The following NHSL1 variants were observed in gnomAD, a reference collection of about 807,000 sequenced individuals.
The protein encoded by NHSL1 is NHS like 1, also known as NHS-like protein 1.
In NHSL1, 48 loss-of-function variants were observed where a neutral mutation model predicts 95.0. That is an observed-to-expected ratio of 0.51 (90% CI 0.40 to 0.64). The LOEUF (loss-of-function observed/expected upper bound fraction) is 0.64, where lower values mean the gene tolerates loss of function less well. NHSL1 is among the 30% of genes least tolerant of loss of function. The pLI is 0.00. For synonymous variants in NHSL1, 783 were observed against 833.9 expected (o/e 0.94, Z 1.05); for missense variants, 1,971 against 2,077.7 (o/e 0.95, Z 1.00).
chr6:138,670,655 G>C (rs1161829984), intron 1 of NHSL1, among the ~76,000 whole-genome samples: 1 of 112,492 alleles, frequency 8.9e-6, no homozygotes, highest in Non-Finnish European at 1.7e-5. Context: ...GACAAAGCGA[G>C]ACTCCGTCTC....
At chr6:138,605,895 A>G (rs1462242543) in intron 1 of NHSL1, among the ~76,000 whole-genome samples, 1 of 152,228 alleles carries the variant, frequency 6.6e-6, no homozygotes, top group African/African-American at 2.4e-5. Flanking sequence ...TGAGTACGAG[A>G]GTCATAAATT....
intron 2 of NHSL1, among the ~76,000 whole-genome samples, chr6:138,490,785 C>A (rs1780029692): frequency 6.6e-6 from 1 of 152,160 alleles, no homozygotes; most frequent in African/African-American, 2.4e-5. Context: ...AGGCATGCGC[C>A]ACCACACCCG....
chr6:138,554,436 G>C (rs1171039696), intron 1 of NHSL1, among the ~76,000 whole-genome samples: 1 of 152,144 alleles, frequency 6.6e-6, no homozygotes, highest in Non-Finnish European at 1.5e-5. Flanking sequence ...ACAAAATCAA[G>C]AATTATTCAA....
intron 1 of NHSL1, among the ~76,000 whole-genome samples, chr6:138,508,354 T>C (rs915158978): frequency 6.6e-6 from 1 of 152,102 alleles, no homozygotes; most frequent in Non-Finnish European, 1.5e-5. Context: ...TGGTAGAGCT[T>C]TGTGAAAGGG....
chr6:138,689,810 G>A (rs1414292722), intron 1 of NHSL1, among the ~76,000 whole-genome samples: 1 of 150,542 alleles, frequency 6.6e-6, no homozygotes, highest in East Asian at 2.0e-4. Flanking sequence ...AGACAGTCTC[G>A]CTAATTTTTG....
Position 138,431,731 on chromosome 6 carries a change from C to A in NHSL1, c.2614G>T (p.Val872Leu). The A allele has an allele frequency of 5.2e-6, 8 of 1,551,778 alleles. No individual in the cohort carries two copies. The highest frequency in any genetic ancestry group is 6.1e-6 in the Non-Finnish European group (7 of 1,147,002). Residue 872 changes from valine (V) to leucine (L), a missense_variant, in exon 6 of 8, where the codon GTG becomes TTG. Val to Leu is a conservative substitution (Grantham distance 32, BLOSUM62 1). Transcript: ENST00000343505. The surrounding 1 kb of genome is among the most constrained non-coding windows in gnomAD (Gnocchi z 4.0). ...LTPVPVFLKSVSPANGKGKPK... is the reference protein window; with the variant it reads ...LTPVPVFLKSLSPANGKGKPK... ...TTCCCCTTCCCGTTTGCTGGTGACA[C>A]TGATTTTAAAAACACAGGCACAGGG...
chr6:138,563,452 C>A (rs998562210), intron 1 of NHSL1, among the ~76,000 whole-genome samples: 2 of 152,110 alleles, frequency 1.3e-5, no homozygotes, highest in Admixed American at 6.5e-5. Context: ...AAAGACACTT[C>A]CACAACTGGA....
chr6:138,500,060 A>C (rs1780591014), upstream of NHSL1, among the ~76,000 whole-genome samples: 1 of 151,866 alleles, frequency 6.6e-6, no homozygotes, highest in Non-Finnish European at 1.5e-5. Context: ...TCTTATTTGC[A>C]TCTAGCTGCC....
At chr6:138,519,580 A>G (rs1217067153) in intron 1 of NHSL1, among the ~76,000 whole-genome samples, 1 of 152,218 alleles carries the variant, frequency 6.6e-6, no homozygotes, top group Admixed American at 6.5e-5. Flanking sequence ...TCCATGATAC[A>G]TCAACCCTGT....
intron 1 of NHSL1, among the ~76,000 whole-genome samples, chr6:138,526,104 A>AAG (rs1781895861): frequency 6.6e-6 from 1 of 151,964 alleles, no homozygotes; most frequent in African/African-American, 2.4e-5. Flanking sequence ...AAAAAAAAAA[A>AAG]AAAAGAAAAT....
intron 1 of NHSL1, among the ~76,000 whole-genome samples, chr6:138,562,875 A>G (rs1783466246): frequency 6.6e-6 from 1 of 152,184 alleles, no homozygotes; most frequent in African/African-American, 2.4e-5. Flanking sequence ...GAGTATTCAC[A>G]ATAGATATTT....
chr6:138,593,991 T>C (rs911784680), intron 1 of NHSL1, among the ~76,000 whole-genome samples: 6 of 152,342 alleles, frequency 3.9e-5, no homozygotes, highest in Non-Finnish European at 8.8e-5. Context: ...TATCTTCCTA[T>C]GCAAATAAGC....
At chr6:138,566,401 ATC>A (rs1783619973) in intron 1 of NHSL1, among the ~76,000 whole-genome samples, 1 of 149,344 alleles carries the variant, frequency 6.7e-6, no homozygotes, top group African/African-American at 2.5e-5. Flanking sequence ...CTGTCTCAAA[ATC>A]AATCAATCAA....
intron 1 of NHSL1, among the ~76,000 whole-genome samples, chr6:138,671,319 G>A (rs558531381): frequency 6.8e-5 from 10 of 147,850 alleles, no homozygotes; most frequent in East Asian, 4.1e-4. Context: ...GCATGATGAC[G>A]TGCGCCTGTA....
chr6:138,472,789 G>T (rs1359346692), intron 3 of NHSL1, among the ~76,000 whole-genome samples: 2 of 152,198 alleles, frequency 1.3e-5, no homozygotes, highest in African/African-American at 2.4e-5. Flanking sequence ...ATCACTAAAT[G>T]AATTGGCTAG....
intron 3 of NHSL1, among the ~76,000 whole-genome samples, chr6:138,467,213 C>A (rs977861454): frequency 6.6e-6 from 1 of 151,694 alleles, no homozygotes; most frequent in African/African-American, 2.4e-5. Context: ...AGTGCAGTGG[C>A]GCGATCTCGG....
chr6:138,596,891 C>T (rs1397717043), intron 1 of NHSL1, among the ~76,000 whole-genome samples: 2 of 152,088 alleles, frequency 1.3e-5, no homozygotes, highest in African/African-American at 4.8e-5. Flanking sequence ...AAAACTCTCT[C>T]AAGCAGAGTT....
chr6:138,675,747 T>C (rs1018734696), intron 1 of NHSL1, among the ~76,000 whole-genome samples: 1 of 152,126 alleles, frequency 6.6e-6, no homozygotes, highest in African/African-American at 2.4e-5. Context: ...TTGGCCAGGC[T>C]GGTCTCGAAC....
At chr6:138,630,729 G>A (rs1784808508) in intron 1 of NHSL1, among the ~76,000 whole-genome samples, 1 of 152,114 alleles carries the variant, frequency 6.6e-6, no homozygotes, top group South Asian at 2.1e-4. Context: ...CTAAATTGCT[G>A]ACAGCAATTC....
Sources: gnomAD v4.1 joint callset for allele counts (sites outside exome capture counted in the v4.1 genomes callset) on GRCh38, gnomAD v4.1.1 for gene constraint, Gnocchi (gnomAD v3.1) non-coding constraint, MANE v1.5 for transcripts, NCBI Gene and HGNC (gene_info 2026-07-23, HGNC 2026-07-21) for gene names.